The following EML4 variants were observed in gnomAD, a reference collection of about 807,000 sequenced individuals.
EML4 encodes echinoderm microtubule-associated protein-like 4.
EML4 carries 72 observed loss-of-function variants against 129.0 expected under a neutral mutation model. The ratio of observed to expected loss-of-function variants is 0.56; its 90% CI spans 0.46 to 0.68. EML4 has a LOEUF of 0.68. Ranked by LOEUF, EML4 falls within the 30% of genes least tolerant of loss-of-function variation. The probability of loss-of-function intolerance (pLI) is 0.00; values close to 1 mark genes in which losing one functional copy is unlikely to be tolerated. For missense variants in EML4, 1,363 were observed against 1,190.6 expected (o/e 1.14, Z -2.13); for synonymous variants, 532 against 405.0 (o/e 1.31, Z -3.77).
At chr2:42,224,972 A>G (rs1190255570) in intron 1 of EML4, among the ~76,000 whole-genome samples, 1 of 151,972 alleles carries the variant, frequency 6.6e-6, no homozygotes, top group Non-Finnish European at 1.5e-5. Flanking sequence ...GAATTTGCCT[A>G]TTCTAGGTAC....
rs117642788 is a variant in EML4 at position 42,305,440 on chromosome 2, C to T, written c.1967+889C>T. Among the ~76,000 whole-genome samples, 465 of 152,234 alleles carry T rather than the reference C, an allele frequency of 3.1e-3. 8 individuals are homozygous for T. The highest frequency in any genetic ancestry group is 0.019 in the Admixed American group (294 of 15,284). ...AGAAGAATCAGAAAATTTCTCTCCT[C>T]ATCTTTTATGCAGGGGAAGGATTTG... On this transcript the variant is annotated intron_variant, in intron 17 of 22. Transcript: ENST00000318522.
rs541549971 is a variant in EML4, at chr2:42,328,888, G to A, written c.2344G>A (p.Val782Ile). ...ATCCCTGTGTTTCCATATCAAAGGT[G>A]TCTGGCCAGAAGGATCTGATGGGAC... ...TCVLGFQVFG[V>I]WPEGSDGTDI... is the part of the protein sequence containing the mutation. The change falls in exon 22 of 23, where the codon GTC becomes ATC. Residue 782 changes from valine to isoleucine, a missense_variant and splice_region_variant. Physicochemically the swap from Val to Ile is conservative, Grantham distance 29. Coordinates refer to ENST00000318522, the MANE Select transcript of EML4 (RefSeq NM_019063.5). 3 of 1,599,272 alleles carry A rather than the reference G, an allele frequency of 1.9e-6. No individual in the cohort carries two copies. Among genetic ancestry groups the A allele is most frequent in the Middle Eastern group, 1.7e-4 (1 of 5,786 alleles).
chr2:42,281,865 G>A (rs928913310), intron 7 of EML4, among the ~76,000 whole-genome samples: 14 of 152,116 alleles, frequency 9.2e-5, no homozygotes, highest in African/African-American at 3.1e-4. Context: ...TCTGTTGTCT[G>A]CCTCCATTCT....
At chr2:42,176,361 C>G (rs543050379) in intron 1 of EML4, among the ~76,000 whole-genome samples, 10 of 152,152 alleles carry the variant, frequency 6.6e-5, no homozygotes, top group Non-Finnish European at 2.9e-5. Context: ...TTGTACAGGG[C>G]CCTCAGATTT....
chr2:42,302,536 C>CTT (rs765657314), intron 14 of EML4, among the ~76,000 whole-genome samples: 15 of 141,688 alleles, frequency 1.1e-4, no homozygotes, highest in African/African-American at 2.8e-4. Flanking sequence ...GAACTTACTT[C>CTT]TTTTTTTTTT....
At chr2:42,181,078 G>A (rs1670908409) in intron 1 of EML4, among the ~76,000 whole-genome samples, 1 of 152,184 alleles carries the variant, frequency 6.6e-6, no homozygotes, top group African/African-American at 2.4e-5. Context: ...TCCCATTACT[G>A]ATGATGTCCA....
At chr2:42,273,457 T>C (rs537403568) in intron 6 of EML4, among the ~76,000 whole-genome samples, 94 of 152,326 alleles carry the variant, frequency 6.2e-4, no homozygotes, top group Middle Eastern at 3.4e-3. Context: ...GAGTTTAGGT[T>C]CAAGAAGGTG....
chr2:42,235,646 A>G (rs762452544), intron 1 of EML4, among the ~76,000 whole-genome samples: 20 of 152,144 alleles, frequency 1.3e-4, no homozygotes, highest in Non-Finnish European at 2.9e-4. Flanking sequence ...GACTATTTCA[A>G]ATTTTTTAAC....
chr2:42,300,477 G>T (rs1008557197), intron 13 of EML4, among the ~76,000 whole-genome samples: 6 of 152,196 alleles, frequency 3.9e-5, no homozygotes, highest in African/African-American at 7.2e-5. Context: ...AACAAAGTGT[G>T]CTATGGGTAT....
At chr2:42,279,531 C>T (rs897934511) in intron 6 of EML4, among the ~76,000 whole-genome samples, 1 of 151,780 alleles carries the variant, frequency 6.6e-6, no homozygotes, top group Non-Finnish European at 1.5e-5. Flanking sequence ...GATCTTGGCT[C>T]ACTGCAAGCT....
intron 1 of EML4, among the ~76,000 whole-genome samples, chr2:42,226,933 A>AAT (rs532706079): frequency 3.6e-4 from 54 of 152,094 alleles, no homozygotes; most frequent in Non-Finnish European, 4.1e-4. Context: ...TACTTCTAGA[A>AAT]ATATATATAT....
chr2:42,283,800 T>G lies in EML4; in HGVS notation c.941+828T>G, dbSNP rs146978769. 6.8e-3 allele frequency among the ~76,000 whole-genome samples: 1,030 copies of G among 152,304 alleles called. 15 individuals carry two copies. The highest frequency in any genetic ancestry group is 0.024 in the African/African-American group (987 of 41,564). On this transcript the variant is annotated intron_variant, in intron 8 of 22. Coordinates refer to ENST00000318522, the MANE Select transcript of EML4 (RefSeq NM_019063.5). ...TAGAAACAGCCTAAGTATTTTTCAGTTGGGGACTACTGGTGAGGTTGTAGT... is the reference window on the plus strand; with the variant it reads ...TAGAAACAGCCTAAGTATTTTTCAGGTGGGGACTACTGGTGAGGTTGTAGT...
At chr2:42,271,725 A>T (rs1340763483) in intron 6 of EML4, among the ~76,000 whole-genome samples, 1 of 152,136 alleles carries the variant, frequency 6.6e-6, no homozygotes, top group Non-Finnish European at 1.5e-5. Context: ...AAAAAAATCT[A>T]AACTAGAAAA....
chr2:42,260,064 T>G (rs1187592671), intron 3 of EML4, among the ~76,000 whole-genome samples: 1 of 151,088 alleles, frequency 6.6e-6, no homozygotes, highest in Non-Finnish European at 1.5e-5. Context: ...AGAGTCTCAC[T>G]TTGTTGCCCA....
At chr2:42,278,223 A>G (rs72972013) in intron 6 of EML4, among the ~76,000 whole-genome samples, 8,326 of 152,206 alleles carry the variant, frequency 0.055, 715 homozygotes, top group African/African-American at 0.19. Flanking sequence ...CTGGGATGCT[A>G]GAGGCAGGGT....
At chr2:42,182,314 C>A (rs191071269) in intron 1 of EML4, among the ~76,000 whole-genome samples, 74 of 143,728 alleles carry the variant, frequency 5.1e-4, no homozygotes, top group Non-Finnish European at 1.7e-4. Context: ...CCCCCTCCCC[C>A]CTCCACTGGT....
At chr2:42,209,146 A>T (rs183200595) in intron 1 of EML4, among the ~76,000 whole-genome samples, 89 of 152,314 alleles carry the variant, frequency 5.8e-4, no homozygotes, top group African/African-American at 2.0e-3. Context: ...CACTAATATG[A>T]TACTAAAAGC....
chr2:42,231,258 C>CT (rs1674324240), intron 1 of EML4, among the ~76,000 whole-genome samples: 1 of 152,234 alleles, frequency 6.6e-6, no homozygotes, highest in African/African-American at 2.4e-5. Flanking sequence ...GAACCTATGA[C>CT]TAGCTTTCTG....
chr2:42,292,502 C>T (rs2103664706), intron 11 of EML4, among the ~76,000 whole-genome samples: 1 of 152,156 alleles, frequency 6.6e-6, no homozygotes, highest in Non-Finnish European at 1.5e-5. Flanking sequence ...GAAATGTTGA[C>T]AAAATAACCC....
Sources: allele counts gnomAD v4.1 joint callset (sites outside exome capture counted in the v4.1 genomes callset), GRCh38; gene constraint gnomAD v4.1.1; transcripts MANE v1.5; gene names NCBI Gene and HGNC (gene_info 2026-07-23, HGNC 2026-07-21).